TENM3: variants seen among roughly 807,000 people sequenced by gnomAD.
TENM3 encodes the protein teneurin transmembrane protein 3, also known as teneurin-3.
A neutral mutation model predicts 255.1 loss-of-function variants in TENM3; 63 were observed. That is an observed-to-expected ratio of 0.25 (90% confidence interval 0.20 to 0.30). TENM3 has a LOEUF of 0.30. TENM3 is among the 10% of genes least tolerant of loss of function. TENM3 has a pLI of 1.00. For synonymous variants in TENM3, 1,306 were observed against 1,322.3 expected (o/e 0.99, Z 0.27); for missense variants, 2,929 against 3,461.1 (o/e 0.85, Z 3.86).
At chr4:182,175,319 A>G (rs966180497) in intron 1 of TENM3, among the ~76,000 whole-genome samples, 3 of 117,062 alleles carry the variant, frequency 2.6e-5, no homozygotes, top group South Asian at 2.5e-4. Context: ...AAAAAAATAT[A>G]TATATATATA....
chr4:182,759,838 A>G (rs974697563), intron 22 of TENM3, among the ~76,000 whole-genome samples: 2 of 152,116 alleles, frequency 1.3e-5, no homozygotes, highest in East Asian at 3.8e-4. Context: ...AAAACTAGAG[A>G]TATCATCTGC....
At chr4:182,427,873 A>G (rs12510180) in intron 3 of TENM3, among the ~76,000 whole-genome samples, 11,462 of 152,000 alleles carry the variant, frequency 0.075, 673 homozygotes, top group East Asian at 0.21. Flanking sequence ...AACATGTTGC[A>G]TCCATTACTC....
At chr4:181,617,434 T>C in the TENM3 span, among the ~76,000 whole-genome samples, 2 of 152,202 alleles carry the variant, frequency 1.3e-5, no homozygotes, top group South Asian at 4.1e-4. Flanking sequence ...ACAAACATTT[T>C]AGCAGAGACT....
the TENM3 span, among the ~76,000 whole-genome samples, chr4:181,960,907 T>C: frequency 0.58 from 88,717 of 151,926 alleles, 26,507 homozygotes; most frequent in African/African-American, 0.67. Flanking sequence ...TCTGGTCATA[T>C]AGAATACCAC....
At chr4:182,736,164 C>T (rs1187076776) in intron 16 of TENM3, among the ~76,000 whole-genome samples, 1 of 152,162 alleles carries the variant, frequency 6.6e-6, no homozygotes, top group Non-Finnish European at 1.5e-5. Context: ...TATTACATTA[C>T]CTCTCAACAT....
intron 1 of TENM3, among the ~76,000 whole-genome samples, chr4:182,317,508 G>T (rs1015869594): frequency 2.0e-5 from 3 of 151,852 alleles, no homozygotes; most frequent in Non-Finnish European, 4.4e-5. Flanking sequence ...GTAGAGAGAG[G>T]GTTTCATCAA....
the TENM3 span, among the ~76,000 whole-genome samples, chr4:181,838,517 T>C: frequency 1.3e-5 from 2 of 152,194 alleles, no homozygotes; most frequent in Admixed American, 6.5e-5. Context: ...GTTATTTAAA[T>C]GTATGGTAGA....
At chr4:182,388,721 G>A (rs889687322) in intron 3 of TENM3, among the ~76,000 whole-genome samples, 1 of 152,166 alleles carries the variant, frequency 6.6e-6, no homozygotes, top group Non-Finnish European at 1.5e-5. Context: ...GTATTATCAT[G>A]CTTTTGAATC....
chr4:182,149,326 C>T (rs1381399898), intron 1 of TENM3, among the ~76,000 whole-genome samples: 3 of 151,974 alleles, frequency 2.0e-5, no homozygotes, highest in Non-Finnish European at 4.4e-5. Flanking sequence ...ATGTTTCGTA[C>T]ACTGAAACTA....
the TENM3 span, among the ~76,000 whole-genome samples, chr4:181,779,892 G>C: frequency 2.0e-5 from 3 of 152,202 alleles, no homozygotes; most frequent in East Asian, 5.8e-4. Context: ...GCAGTGTTTG[G>C]TTTCTTGTCC....
At chr4:182,222,116 T>G (rs566963529) in intron 1 of TENM3, among the ~76,000 whole-genome samples, 47 of 152,172 alleles carry the variant, frequency 3.1e-4, no homozygotes, top group Non-Finnish European at 6.0e-4. Context: ...GAATGTAAGT[T>G]GTTCTTCAGG....
At chr4:181,989,692 T>C in the TENM3 span, among the ~76,000 whole-genome samples, 1 of 152,170 alleles carries the variant, frequency 6.6e-6, no homozygotes. Context: ...TATCAGTTTA[T>C]GTTAACTGTT....
At chr4:181,867,985 C>T in the TENM3 span, among the ~76,000 whole-genome samples, 271 of 152,196 alleles carry the variant, frequency 1.8e-3, 1 homozygote, top group Non-Finnish European at 3.2e-3. Context: ...TTCAAGAAAA[C>T]TGTTATTTCT....
intron 6 of TENM3, among the ~76,000 whole-genome samples, chr4:182,664,714 C>G (rs771584301): frequency 6.6e-6 from 1 of 152,140 alleles, no homozygotes; most frequent in East Asian, 1.9e-4. Context: ...GAAAGCAAAA[C>G]AGCCTTATTA....
At chr4:182,262,423 A>G (rs1758864237) in intron 1 of TENM3, among the ~76,000 whole-genome samples, 1 of 152,154 alleles carries the variant, frequency 6.6e-6, no homozygotes, top group East Asian at 1.9e-4. Context: ...CAGGTCATAA[A>G]GACCTTACTG....
the TENM3 span, among the ~76,000 whole-genome samples, chr4:182,131,371 A>G: frequency 1.3e-5 from 2 of 152,214 alleles, no homozygotes; most frequent in East Asian, 3.9e-4. Context: ...CTCAGGTCAT[A>G]GTTCATTTTT....
intron 1 of TENM3, among the ~76,000 whole-genome samples, chr4:182,209,522 T>C (rs1375078306): frequency 6.6e-6 from 1 of 152,112 alleles, no homozygotes; most frequent in Non-Finnish European, 1.5e-5. Context: ...TTGACACTGC[T>C]AGGAGCCCCC....
the TENM3 span, among the ~76,000 whole-genome samples, chr4:182,088,440 C>A: frequency 6.6e-6 from 1 of 152,292 alleles, no homozygotes; most frequent in South Asian, 2.1e-4. Context: ...CAAAGGCATT[C>A]AGCTTTCTCC....
At chr4:181,594,625 T>C in the TENM3 span, among the ~76,000 whole-genome samples, 1 of 152,240 alleles carries the variant, frequency 6.6e-6, no homozygotes, top group Admixed American at 6.5e-5. Flanking sequence ...ATGCTCTATT[T>C]AAGCAGCCTC....
Sources: allele counts gnomAD v4.1 joint callset (sites outside exome capture counted in the v4.1 genomes callset), GRCh38; gene constraint gnomAD v4.1.1; transcripts MANE v1.5; gene names NCBI Gene and HGNC (gene_info 2026-07-23, HGNC 2026-07-21).